The following HLA-G variants were observed in gnomAD, a reference collection of about 807,000 sequenced individuals.
The protein encoded by HLA-G is HLA class I histocompatibility antigen, alpha chain G.
A neutral mutation model predicts 39.3 loss-of-function variants in HLA-G; 34 were observed. The ratio of observed to expected loss-of-function variants is 0.86; its 90% CI spans 0.66 to 1.15. The LOEUF (loss-of-function observed/expected upper bound fraction) is 1.15, where lower values mean the gene tolerates loss of function less well. Ranked by LOEUF, HLA-G falls within the 50% of genes most tolerant of loss-of-function variation. The pLI is 0.00. For missense variants in HLA-G, 419 were observed against 456.4 expected (o/e 0.92, Z 0.75); for synonymous variants, 183 against 185.8 (o/e 0.99, Z 0.12).
At chr6:29,827,368 C>G (rs1736932), upstream of HLA-G, 189,604 of 348,770 alleles carry the variant, frequency 0.54, 53,144 homozygotes, top group South Asian at 0.7. Context: ...AACAAGCTCC[C>G]TGGGGTGATT....
chr6:29,829,389 T>A lies in HLA-G; in HGVS notation c.620-29T>A, dbSNP rs759776375. 2.5e-6 allele frequency: 4 copies of A among 1,607,618 alleles called. No homozygotes were observed. The East Asian group carries it at 8.9e-5, about 36-fold the overall frequency. On this transcript the variant is annotated intron_variant, in intron 3 of 6. Transcript: ENST00000360323. ...GGAGTGTCCCATGAGAGATGCAAAGTGCTTGAATTTTCTGACTCTTCCTTT... is the reference window on the plus strand; with the variant it reads ...GGAGTGTCCCATGAGAGATGCAAAGAGCTTGAATTTTCTGACTCTTCCTTT...
In HLA-G at chr6:29,829,867, T is replaced by A; in HGVS notation, c.947T>A (p.Val316Asp). ...IPIMGIVAGL[V>D]VLAAVVTGAA... Reference sequence around the variant, plus strand: ...ATCATGGGTATCGTTGCTGGCCTGGTTGTCCTTGCAGCTGTAGTCACTGGA... The same window carrying A: ...ATCATGGGTATCGTTGCTGGCCTGGATGTCCTTGCAGCTGTAGTCACTGGA... The change falls in exon 5 of 7, where the codon GTT becomes GAT. Residue 316 changes from valine to aspartate, a missense_variant. Around this residue, in one of 2 missense-constraint regions of HLA-G, gnomAD observed 328 missense variants for 323.0 expected, o/e 1.02. Transcript: ENST00000360323. The A allele has an allele frequency of 6.2e-7, 1 of 1,614,086 alleles. No individual in the cohort carries two copies. Among genetic ancestry groups the A allele is most frequent in the Non-Finnish European group, 8.5e-7 (1 of 1,179,970 alleles).
chr6:29,828,470 C>G (rs542016267), intron 2 of HLA-G, 73 bp from the exon 3 acceptor site: 311 of 1,570,272 alleles, frequency 2.0e-4, no homozygotes, highest in Non-Finnish European at 2.0e-4. Flanking sequence ...GGCGCCTTTA[C>G]CAAAATCCCC....
intron 6 of HLA-G, 73 bp downstream of exon 6, chr6:29,830,483 A>C: frequency 7.7e-7 from 1 of 1,294,246 alleles, no homozygotes; most frequent in Non-Finnish European, 1.1e-6. Context: ...GAGCTCACCC[A>C]CCCCACAATT....
At chr6:29,830,346 C>G in intron 5 of HLA-G, 32 bp from the exon 6 acceptor site, 2 of 1,613,226 alleles carry the variant, frequency 1.2e-6, no homozygotes, top group Non-Finnish European at 1.7e-6. Context: ...TGCCACCTTT[C>G]TGGCCTCTCA....
rs756652306 is a variant in HLA-G at position 29,829,652 on chromosome 6, T to C, written c.854T>C (p.Val285Ala). 193 of 1,613,826 alleles carry C rather than the reference T, an allele frequency of 1.2e-4. 1 individual carries two copies. The highest frequency in any genetic ancestry group is 1.4e-4 in the Non-Finnish European group (170 of 1,179,980). ...GAGGAGCAGAGATACACGTGCCATG[T>C]GCAGCATGAGGGGCTGCCGGAGCCC... ...SGEEQRYTCH[V>A]QHEGLPEPLM... Residue 285 changes from valine (V) to alanine (A), a missense_variant, in exon 4 of 7, where the codon GTG becomes GCG. Physicochemically the swap from Val to Ala is moderately conservative, Grantham distance 64. This residue lies in a region of HLA-G where 328 missense variants were observed against 323.0 expected (regional missense o/e 1.02). Transcript: ENST00000360323.
chr6:29,828,348 G>GC (rs1760884729), intron 2 of HLA-G, 32 bp downstream of exon 2: 3 of 1,555,460 alleles, frequency 1.9e-6, no homozygotes, highest in Non-Finnish European at 8.7e-7. Flanking sequence ...AGCAGATCAC[G>GC]ACCCCCACCT....
At chr6:29,828,914 A>C in intron 3 of HLA-G, 96 bp downstream of exon 3, 3 of 1,486,362 alleles carry the variant, frequency 2.0e-6, no homozygotes, top group Non-Finnish European at 1.9e-6. Flanking sequence ...ACACTAGAAT[A>C]TCGCCCTCCC....
chr6:29,828,150 G>GT lies in HLA-G; in HGVS notation c.179dup (p.Asp61ArgfsTer38), dbSNP rs1236402708. The GT allele has an allele frequency of 1.2e-6, 2 of 1,613,190 alleles. No homozygotes were observed. The highest frequency in any genetic ancestry group is 1.7e-6 in the Non-Finnish European group (2 of 1,179,864). On this transcript the variant is annotated frameshift_variant, in exon 2 of 7. Transcript: ENST00000360323. LOFTEE classifies it high-confidence loss of function. ...ACGTGGACGACACGCAGTTCGTGCGGTTCGACAGCGACTCGGCGTGTCCGA... is the reference window on the plus strand; with the variant it reads ...ACGTGGACGACACGCAGTTCGTGCGGTTTCGACAGCGACTCGGCGTGTCCGA...
rs79984266 is a variant in HLA-G, at chr6:29,829,526, G to A, written c.728G>A (p.Arg243Gln). The A allele has an allele frequency of 1.1e-4, 177 of 1,613,924 alleles. No homozygotes were observed. In the African/African-American group the frequency reaches 1.9e-3, roughly 18 times the overall value. Reference sequence around the variant, plus strand: ...GCGGAGATCATACTGACCTGGCAGCGGGATGGGGAGGACCAGACCCAGGAC... The same window carrying A: ...GCGGAGATCATACTGACCTGGCAGCAGGATGGGGAGGACCAGACCCAGGAC... ...YPAEIILTWQ[R>Q]DGEDQTQDVE... is the part of the protein sequence containing the mutation. The change falls in exon 4 of 7, where the codon CGG (arginine) becomes CAG (glutamine). Residue 243 changes from arginine to glutamine, a missense_variant. By Grantham distance (43) the Arg-to-Gln change is conservative (BLOSUM62 1). Transcript: ENST00000360323.
In HLA-G at chr6:29,830,813, T is replaced by C. The variant is rs1278917079; in HGVS notation, c.*74T>C. ...TGGGACTGAGTGGCAAGTCCCTTTG[T>C]GACTTCAAGAACCCTGACTCCTCTT... On this transcript the variant is annotated 3_prime_UTR_variant, in exon 7 of 7. Transcript: ENST00000360323. The C allele has an allele frequency of 2.3e-5, 9 of 383,084 alleles. No individual in the cohort carries two copies. Among genetic ancestry groups the C allele is most frequent in the Admixed American group, 1.6e-4 (5 of 31,734 alleles). The allele number at this position is 383,084 out of a possible 1,614,324, so 23.7% of individuals were successfully genotyped here. A position where few individuals can be genotyped will look rare whatever the true frequency, so the allele number is the denominator to read the frequency against.
chr6:29,830,387 G>C lies in HLA-G; in HGVS notation c.*5G>C. On this transcript the variant is annotated 3_prime_UTR_variant, in exon 6 of 7. Transcript: ENST00000360323. ...CATTTTCTTCCCACAGATTGAAAAG[G>C]AGGGAGCTACTCTCAGGCTGCAAGT... The C allele has an allele frequency of 1.2e-6, 2 of 1,613,792 alleles. No individual in the cohort carries two copies. Among genetic ancestry groups the C allele is most frequent in the South Asian group, 2.2e-5 (2 of 91,058 alleles).
In HLA-G at chr6:29,829,892, AGCTGCGGTCGCTGCTGT is replaced by A; in HGVS notation, c.977_993del (p.Ala326ValfsTer88). ...TTGTCCTTGCAGCTGTAGTCACTGG[AGCTGCGGTCGCTGCTGT>A]GCTGTGGAGAAAGAAGAGCTCAGGT... is the stretch of plus-strand genomic sequence containing the variant. On this transcript the variant is annotated frameshift_variant, in exon 5 of 7. Coordinates refer to ENST00000360323, the MANE Select transcript of HLA-G (RefSeq NM_001384290.1). LOFTEE classifies it high-confidence loss of function. 1.2e-6 allele frequency: 2 copies of A among 1,613,882 alleles called. No individual in the cohort carries two copies. The highest frequency in any genetic ancestry group is 1.7e-6 in the Non-Finnish European group (2 of 1,179,918).
chr6:29,826,705 A>T (rs1736934), upstream of HLA-G, among the ~76,000 whole-genome samples: 51,662 of 152,162 alleles, frequency 0.34, 8,945 homozygotes, highest in South Asian at 0.46. Flanking sequence ...ATAGATTTTA[A>T]TACATCCATC....
At chr6:29,827,614 A>G, upstream of HLA-G, 1 of 570,162 alleles carries the variant, frequency 1.8e-6, no homozygotes, top group Non-Finnish European at 3.2e-6. Context: ...CGTGGCTCTC[A>G]GGGTCTCAGG....
Position 29,829,933 on chromosome 6 carries a change from G to A in HLA-G, c.1012+1G>A, listed in dbSNP as rs865963836. The A allele has an allele frequency of 5.0e-6, 8 of 1,601,804 alleles. No individual in the cohort carries two copies. In the African/African-American group the frequency reaches 5.4e-5, roughly 11 times the overall value. On this transcript the variant is annotated splice_donor_variant, in intron 5 of 6. Coordinates refer to ENST00000360323, the MANE Select transcript of HLA-G (RefSeq NM_001384290.1). LOFTEE classifies it high-confidence loss of function. Reference sequence around the variant, plus strand: ...GTGCTGTGGAGAAAGAAGAGCTCAGGTAAGGAAGGGGTGACAAGTGGGGTC... The same window carrying A: ...GTGCTGTGGAGAAAGAAGAGCTCAGATAAGGAAGGGGTGACAAGTGGGGTC...
chr6:29,828,143 T>C lies in HLA-G; in HGVS notation c.170T>C (p.Phe57Ser). 1 of 1,613,210 alleles carries C rather than the reference T, an allele frequency of 6.2e-7. No homozygotes were observed. Among genetic ancestry groups the C allele is most frequent in the Non-Finnish European group, 8.5e-7 (1 of 1,179,834 alleles). Residue 57 changes from phenylalanine to serine, a missense_variant, in exon 2 of 7, where the codon TTC becomes TCC. Physicochemically the swap from Phe to Ser is radical, Grantham distance 155. Coordinates refer to ENST00000360323, the MANE Select transcript of HLA-G (RefSeq NM_001384290.1). ...ATGGGCTACGTGGACGACACGCAGTTCGTGCGGTTCGACAGCGACTCGGCG... is the reference window on the plus strand; with the variant it reads ...ATGGGCTACGTGGACGACACGCAGTCCGTGCGGTTCGACAGCGACTCGGCG... Reference protein sequence around the residue: ...IAMGYVDDTQFVRFDSDSACP... With the variant: ...IAMGYVDDTQSVRFDSDSACP...
Position 29,830,372 on chromosome 6 carries a change from C to G in HLA-G, c.1013-6C>G. 6.2e-7 allele frequency: 1 copy of G among 1,613,732 alleles called. No individual in the cohort carries two copies. The highest frequency in any genetic ancestry group is 8.5e-7 in the Non-Finnish European group (1 of 1,179,684). On this transcript the variant is annotated splice_region_variant and splice_polypyrimidine_tract_variant and intron_variant, in intron 5 of 6. Coordinates refer to ENST00000360323, the MANE Select transcript of HLA-G (RefSeq NM_001384290.1). ...TGGCCTCTCACAGGACATTTTCTTC[C>G]CACAGATTGAAAAGGAGGGAGCTAC...
At chr6:29,826,690 G>T (rs3823321), upstream of HLA-G, among the ~76,000 whole-genome samples, 3 of 152,222 alleles carry the variant, frequency 2.0e-5, no homozygotes, top group Non-Finnish European at 4.4e-5. Context: ...TAAACACATT[G>T]TTTTATAGAT....
Sources: gnomAD v4.1 joint callset for allele counts (sites outside exome capture counted in the v4.1 genomes callset) on GRCh38, gnomAD v4.1.1 for gene constraint, gnomAD v4.1.1 regional missense constraint, MANE v1.5 for transcripts, NCBI Gene and HGNC (gene_info 2026-07-23, HGNC 2026-07-21) for gene names.